Variants in ZNF618 observed in about 807,000 individuals in gnomAD.
ZNF618 encodes the protein zinc finger protein 618, also known as neural precursor cell expressed, developmentally down-regulated 10.
In ZNF618, 34 loss-of-function variants were observed where a neutral mutation model predicts 103.0. The observed-to-expected ratio is 0.33, with a 90% CI of 0.25 to 0.44. The LOEUF (loss-of-function observed/expected upper bound fraction) is 0.44. Ranked by LOEUF, ZNF618 falls within the 20% of genes least tolerant of loss-of-function variation. ZNF618 has a pLI of 1.00. For missense variants in ZNF618, 1,059 were observed against 1,295.4 expected, an observed-to-expected ratio of 0.82 and a Z score of 2.80; for synonymous variants, 551 against 542.2, an observed-to-expected ratio of 1.02 and a Z score of -0.23.
At chr9:114,036,413 C>A in intron 13 of ZNF618, 36 bp downstream of exon 13, 1 of 1,549,412 alleles carries the variant, frequency 6.5e-7, no homozygotes, top group Non-Finnish European at 8.7e-7. Context: ...CCTCTCCTTC[C>A]TCAGTTCCTG....
chr9:114,049,090 C>T lies in ZNF618; in HGVS notation c.1788C>T (p.His596=), dbSNP rs1845909417. 1.2e-6 allele frequency: 2 copies of T among 1,613,752 alleles called. No homozygotes were observed. The highest frequency in any genetic ancestry group is 4.5e-5 in the East Asian group (2 of 44,894). ...TTCGCGACAGCGGTGACCTTGTGCA[C>T]CACTGGGTGCAGAACGTGCTGTCGG... The part of the protein sequence containing the change: ...ADIRDSGDLV[H]HWVQNVLSEF... Residue 596 remains histidine (H), a synonymous_variant, in exon 15 of 15, where the codon CAC becomes CAT. Transcript: ENST00000374126.
At chr9:114,025,247 G>A (rs927276870) in intron 10 of ZNF618, among the ~76,000 whole-genome samples, 3 of 152,212 alleles carry the variant, frequency 2.0e-5, no homozygotes, top group Admixed American at 6.5e-5. Context: ...CCTTGAGCAC[G>A]TGATTCCATT....
chr9:113,932,586 T>A (rs1833687977), intron 1 of ZNF618, among the ~76,000 whole-genome samples: 1 of 151,446 alleles, frequency 6.6e-6, no homozygotes, highest in African/African-American at 2.4e-5. Context: ...GGAGAGAGAG[T>A]GAGGAGAGGC....
rs1846051027 is a variant in ZNF618, at chr9:114,050,434, G to A, written c.*267G>A. The A allele has an allele frequency of 6.3e-6, 2 of 316,724 alleles. No individual in the cohort carries two copies. Among genetic ancestry groups the A allele is most frequent in the East Asian group, 1.3e-4 (2 of 15,970 alleles). The allele number at this position is 316,724 out of a possible 1,614,324, so 19.6% of individuals were successfully genotyped here. A position where few individuals can be genotyped will look rare whatever the true frequency, so the allele number is the denominator to read the frequency against. The stretch of plus-strand genomic sequence containing the variant: ...TCATCTCCATGGCCAGAGAAACTTT[G>A]CACACACGCACACACACACACACAC... On this transcript the variant is annotated 3_prime_UTR_variant, in exon 15 of 15. Coordinates refer to ENST00000374126, the MANE Select transcript of ZNF618 (RefSeq NM_001318042.2).
rs1191214191 is a variant in ZNF618, at chr9:114,002,650, G to A, written c.538G>A (p.Ala180Thr). Residue 180 changes from alanine to threonine, a missense_variant, in exon 6 of 15, where the codon GCC becomes ACC. Around this residue, in one of 6 missense-constraint regions of ZNF618, gnomAD observed 434 missense variants for 476.0 expected, o/e 0.91. Transcript: ENST00000374126. ...CACCGAAGCCACCTCAGGGGAGGGA[G>A]CCTCCCAAAGCAGTGAGTACTTTTT... ...RDTEATSGEG[A>T]SQSNNFRYTC... The A allele has an allele frequency of 2.5e-6, 4 of 1,611,500 alleles. No individual in the cohort carries two copies. In the South Asian group the frequency reaches 3.3e-5, roughly 13 times the overall value.
Position 114,008,564 on chromosome 9 carries a change from A to G in ZNF618, c.754+10A>G. The G allele has an allele frequency of 6.2e-7, 1 of 1,613,638 alleles. No individual in the cohort carries two copies. The highest frequency in any genetic ancestry group is 8.5e-7 in the Non-Finnish European group (1 of 1,179,786). On this transcript the variant is annotated intron_variant, in intron 9 of 14. Coordinates refer to ENST00000374126, the MANE Select transcript of ZNF618 (RefSeq NM_001318042.2). ...CAGAAAATCGGGCCAAGTATGCGGGATTCCCTCTGGGGCCAAGGGCTGGGT... is the reference window on the plus strand; with the variant it reads ...CAGAAAATCGGGCCAAGTATGCGGGGTTCCCTCTGGGGCCAAGGGCTGGGT...
chr9:114,024,158 A>G (rs927705150), intron 10 of ZNF618, among the ~76,000 whole-genome samples: 3 of 152,226 alleles, frequency 2.0e-5, no homozygotes, highest in African/African-American at 4.8e-5. Flanking sequence ...AATAGATTCT[A>G]TTGCCCTGTC....
chr9:113,916,602 C>T (rs1413104171), intron 1 of ZNF618, among the ~76,000 whole-genome samples: 4 of 152,106 alleles, frequency 2.6e-5, no homozygotes, highest in South Asian at 2.1e-4. Flanking sequence ...GGCACTTAAC[C>T]GTGGAGAGTT....
At chr9:113,950,119 T>A (rs1171924314) in intron 1 of ZNF618, among the ~76,000 whole-genome samples, 1 of 152,242 alleles carries the variant, frequency 6.6e-6, no homozygotes, top group African/African-American at 2.4e-5. Flanking sequence ...GAAAGAGGCT[T>A]CAAAATCTCT....
At chr9:113,900,650 C>G in intron 1 of ZNF618, among the ~76,000 whole-genome samples, 1 of 149,202 alleles carries the variant, frequency 6.7e-6, no homozygotes, top group South Asian at 2.2e-4. Flanking sequence ...ACCCGAGCTC[C>G]CGTCTCCTAG....
intron 9 of ZNF618, among the ~76,000 whole-genome samples, chr9:114,009,504 G>A (rs1029266430): frequency 6.6e-6 from 1 of 152,114 alleles, no homozygotes; most frequent in Non-Finnish European, 1.5e-5. Flanking sequence ...GGGAGGGGCT[G>A]GGTGGCCAGC....
rs575723852 is a variant in ZNF618 at position 113,947,170 on chromosome 9, A to C, written c.34-21947A>C. Among the ~76,000 whole-genome samples the C allele has an allele frequency of 7.2e-5, 11 of 152,278 alleles. No homozygotes were observed. In the South Asian group the frequency reaches 1.5e-3, roughly 20 times the overall value. ...AGCAATTTGGTGCTCTCGACAAAGA[A>C]TCTGTCTTGGGGCTCTTTAGTGAAT... On this transcript the variant is annotated intron_variant, in intron 1 of 14. Transcript: ENST00000374126.
At chr9:113,892,451 T>C (rs1829698357) in intron 1 of ZNF618, among the ~76,000 whole-genome samples, 1 of 152,168 alleles carries the variant, frequency 6.6e-6, no homozygotes, top group South Asian at 2.1e-4. Flanking sequence ...GTGGAACCCA[T>C]GAAGACAGAG....
intron 6 of ZNF618, among the ~76,000 whole-genome samples, chr9:114,006,485 T>C (rs922340826): frequency 6.6e-6 from 1 of 152,038 alleles, no homozygotes; most frequent in Non-Finnish European, 1.5e-5. Context: ...GAGTGTGCCA[T>C]TGTGGAGGGG....
intron 2 of ZNF618, among the ~76,000 whole-genome samples, chr9:113,983,502 A>G (rs1839160304): frequency 6.6e-6 from 1 of 152,176 alleles, no homozygotes; most frequent in South Asian, 2.1e-4. Context: ...TGGGTGATAG[A>G]GGGTGGCTCA....
At chr9:113,904,153 A>G (rs1221126942) in intron 1 of ZNF618, among the ~76,000 whole-genome samples, 7 of 146,728 alleles carry the variant, frequency 4.8e-5, no homozygotes, top group African/African-American at 1.0e-4. Context: ...AAGTTCATCA[A>G]TCTTTTCTTC....
chr9:113,969,475 A>G (rs1490830031), intron 2 of ZNF618, among the ~76,000 whole-genome samples: 1 of 152,202 alleles, frequency 6.6e-6, no homozygotes, highest in Non-Finnish European at 1.5e-5. Context: ...GGGCTGCTGC[A>G]TGGCTAACTC....
intron 10 of ZNF618, among the ~76,000 whole-genome samples, chr9:114,022,819 T>G (rs1843189029): frequency 6.6e-6 from 1 of 152,062 alleles, no homozygotes; most frequent in South Asian, 2.1e-4. Context: ...TTCGAACCTT[T>G]GTTATTAGGT....
At chr9:113,927,234 G>A (rs1833182136) in intron 1 of ZNF618, among the ~76,000 whole-genome samples, 1 of 152,202 alleles carries the variant, frequency 6.6e-6, no homozygotes, top group Non-Finnish European at 1.5e-5. Context: ...AAAAGGAACT[G>A]AGGTAAATAG....
Sources: gnomAD v4.1 joint callset for allele counts (sites outside exome capture counted in the v4.1 genomes callset) on GRCh38, gnomAD v4.1.1 for gene constraint, gnomAD v4.1.1 regional missense constraint, MANE v1.5 for transcripts, NCBI Gene and HGNC (gene_info 2026-07-23, HGNC 2026-07-21) for gene names.